HNMT: variants seen among roughly 807,000 people sequenced by gnomAD.
HNMT encodes the protein histamine N-methyltransferase.
HNMT carries 30 observed loss-of-function variants against 32.1 expected under a neutral mutation model. The observed-to-expected ratio is 0.93, with a 90% confidence interval of 0.70 to 1.27. HNMT has a LOEUF of 1.27. HNMT is among the 50% of genes most tolerant of loss of function. HNMT has a pLI of 0.00. For missense variants in HNMT, 327 were observed against 346.0 expected (o/e 0.95, Z 0.43); for synonymous variants, 125 against 119.0 (o/e 1.05, Z -0.33).
chr2:137,964,900 A>T (rs1284895053), intron 1 of HNMT, among the ~76,000 whole-genome samples: 2 of 152,172 alleles, frequency 1.3e-5, no homozygotes, highest in Non-Finnish European at 2.9e-5. Flanking sequence ...GCACAAATCC[A>T]TGTTCATTTG....
intron 5 of HNMT, among the ~76,000 whole-genome samples, chr2:138,008,536 G>T (rs1471020919): frequency 6.6e-6 from 1 of 151,580 alleles, no homozygotes. Context: ...ACTATAGGGG[G>T]GTACAATAAC....
intron 2 of HNMT, among the ~76,000 whole-genome samples, chr2:137,985,226 AT>A (rs1680617876): frequency 6.6e-6 from 1 of 152,052 alleles, no homozygotes; most frequent in African/African-American, 2.4e-5. Flanking sequence ...AAGATTAAGA[AT>A]GTATAAAACT....
At chr2:138,000,094 C>A (rs1681114612) in intron 2 of HNMT, among the ~76,000 whole-genome samples, 1 of 152,116 alleles carries the variant, frequency 6.6e-6, no homozygotes, top group African/African-American at 2.4e-5. Context: ...GGAAGTCCTG[C>A]CTTGCTCAAT....
intron 2 of HNMT, among the ~76,000 whole-genome samples, chr2:137,980,493 G>C (rs910483071): frequency 3.3e-5 from 5 of 152,182 alleles, no homozygotes; most frequent in Non-Finnish European, 5.9e-5. Context: ...TCAAGAGAAT[G>C]GTGGCTATCC....
intron 2 of HNMT, among the ~76,000 whole-genome samples, chr2:137,987,598 C>A (rs1361996085): frequency 2.4e-5 from 3 of 123,328 alleles, no homozygotes; most frequent in African/African-American, 9.0e-5. Context: ...AGGACAATGG[C>A]CACTTTTTTT....
intron 2 of HNMT, among the ~76,000 whole-genome samples, chr2:137,992,346 C>T (rs1243456723): frequency 1.3e-5 from 2 of 152,228 alleles, no homozygotes; most frequent in African/African-American, 2.4e-5. Context: ...GCATCCATCT[C>T]TATAGCCCCA....
rs961992298 is a variant in HNMT, at chr2:137,967,204, A to C, written c.137+2576A>C. The stretch of plus-strand genomic sequence containing the variant: ...GGCGGGAGGATTACTTGAGCCTAGG[A>C]GTTTGAGACCAGCCTGGGCAACATA... On this transcript the variant is annotated intron_variant, in intron 1 of 5. Transcript: ENST00000280097. 9.6e-6 allele frequency: 7 copies of C among 730,238 alleles called. No homozygotes were observed. The African/African-American group carries it at 1.2e-4, about 13-fold the overall frequency. The allele number at this position is 730,238 out of a possible 1,614,324, so 45.2% of individuals were successfully genotyped here. A position where few individuals can be genotyped will look rare whatever the true frequency, so the allele number is the denominator to read the frequency against.
chr2:138,010,399 G>C (rs1381238698), intron 5 of HNMT, among the ~76,000 whole-genome samples: 1 of 147,042 alleles, frequency 6.8e-6, no homozygotes, highest in Non-Finnish European at 1.5e-5. Context: ...TGCAGATGAA[G>C]TTTAATAAAT....
chr2:137,984,793 T>C (rs968216700), intron 2 of HNMT, among the ~76,000 whole-genome samples: 1 of 152,156 alleles, frequency 6.6e-6, no homozygotes, highest in African/African-American at 2.4e-5. Context: ...AAAAATAACA[T>C]TTTTTAAAAG....
chr2:137,981,403 T>C, intron 2 of HNMT: 2 of 1,584,448 alleles, frequency 1.3e-6, no homozygotes, highest in Non-Finnish European at 1.7e-6. Flanking sequence ...TCATCCTCTT[T>C]TAAGTGTCAT....
At chr2:137,983,162 C>G (rs564616782) in intron 2 of HNMT, among the ~76,000 whole-genome samples, 2 of 152,230 alleles carry the variant, frequency 1.3e-5, no homozygotes, top group Admixed American at 1.3e-4. Context: ...AAGTAAGTGA[C>G]CCAAAACCAG....
At chr2:137,979,199 T>G (rs895022051) in intron 2 of HNMT, among the ~76,000 whole-genome samples, 13 of 148,960 alleles carry the variant, frequency 8.7e-5, no homozygotes, top group Non-Finnish European at 1.8e-4. Context: ...AATATATCCA[T>G]ATATATTTCC....
intron 2 of HNMT, among the ~76,000 whole-genome samples, chr2:137,997,484 T>G (rs3100721): frequency 2.6e-5 from 4 of 151,974 alleles, no homozygotes; most frequent in Admixed American, 2.6e-4. Context: ...TACCATCTCA[T>G]GCCAGTCAGA....
intron 2 of HNMT, among the ~76,000 whole-genome samples, chr2:137,997,212 A>G (rs1681024128): frequency 6.6e-6 from 1 of 152,210 alleles, no homozygotes; most frequent in South Asian, 2.1e-4. Context: ...ACAGCAAAAG[A>G]AACTATCATC....
intron 2 of HNMT, among the ~76,000 whole-genome samples, chr2:137,983,858 A>G (rs754267169): frequency 2.0e-5 from 3 of 152,224 alleles, no homozygotes; most frequent in Non-Finnish European, 4.4e-5. Flanking sequence ...CCTTAGGCAG[A>G]AGAGTAGGAG....
At chr2:137,998,481 G>A (rs1043677531) in intron 2 of HNMT, among the ~76,000 whole-genome samples, 13 of 152,120 alleles carry the variant, frequency 8.5e-5, no homozygotes, top group Admixed American at 7.2e-4. Context: ...TACTTATGAG[G>A]TCAGAAATAG....
rs75846215 is a variant in HNMT, at chr2:138,002,535, A to C, written c.429+341A>C. 6.0e-3 allele frequency: 1,602 copies of C among 265,858 alleles called. 32 individuals carry two copies. Among genetic ancestry groups the C allele is most frequent in the African/African-American group, 0.035 (1,534 of 43,588 alleles). 16.5% of individuals were successfully genotyped at this position (265,858 alleles called of 1,614,324 possible). ...TGATCTTAGCTCACTCTAGCCTCAAAATCCTGAGCTTAAGCAATTCTCCCA... is the reference window on the plus strand; with the variant it reads ...TGATCTTAGCTCACTCTAGCCTCAACATCCTGAGCTTAAGCAATTCTCCCA... On this transcript the variant is annotated intron_variant, in intron 4 of 5. Coordinates refer to ENST00000280097, the MANE Select transcript of HNMT (RefSeq NM_006895.3).
chr2:137,979,689 C>T (rs1363923707), intron 2 of HNMT, among the ~76,000 whole-genome samples: 1 of 151,876 alleles, frequency 6.6e-6, no homozygotes, highest in East Asian at 1.9e-4. Flanking sequence ...TAGTTTAACA[C>T]TCAAGAGAAA....
At chr2:137,976,272 AC>A (rs201999321) in intron 2 of HNMT, among the ~76,000 whole-genome samples, 27,248 of 67,134 alleles carry the variant, frequency 0.41, 3,404 homozygotes, top group South Asian at 0.51. Flanking sequence ...TCTCAAAAAA[AC>A]AAAAAACAAA....
Sources: allele counts gnomAD v4.1 joint callset (sites outside exome capture counted in the v4.1 genomes callset), GRCh38; gene constraint gnomAD v4.1.1; transcripts MANE v1.5; gene names NCBI Gene and HGNC (gene_info 2026-07-23, HGNC 2026-07-21).